Variants in LRP1B observed in about 807,000 individuals in gnomAD.
LRP1B encodes low-density lipoprotein receptor-related protein 1B.
LRP1B carries 217 observed loss-of-function variants against 556.6 expected under a neutral mutation model. The ratio of observed to expected loss-of-function variants is 0.39; its 90% CI spans 0.35 to 0.44. LRP1B has a LOEUF of 0.44. LRP1B is among the 20% of genes least tolerant of loss of function. The pLI is 1.00. For missense variants in LRP1B, 5,053 were observed against 5,620.8 expected, an observed-to-expected ratio of 0.90 and a Z score of 3.23; for synonymous variants, 2,047 against 1,865.8, an observed-to-expected ratio of 1.10 and a Z score of -2.50.
intron 7 of LRP1B, among the ~76,000 whole-genome samples, chr2:141,112,071 T>TACATAATAAATA (rs111423253): frequency 0.054 from 7,823 of 145,798 alleles, 266 homozygotes; most frequent in Non-Finnish European, 0.074. Context: ...AATAAATAAA[T>TACATAATAAATA]AATAAATAAA....
At chr2:141,213,984 T>C (rs1682677058) in intron 6 of LRP1B, among the ~76,000 whole-genome samples, 1 of 152,210 alleles carries the variant, frequency 6.6e-6, no homozygotes, top group South Asian at 2.1e-4. Context: ...GTAAATACTA[T>C]AAAAATAGTT....
chr2:140,638,668 A>G (rs562710180), intron 41 of LRP1B, among the ~76,000 whole-genome samples: 37 of 152,260 alleles, frequency 2.4e-4, no homozygotes, highest in African/African-American at 8.4e-4. Context: ...TATCTTCCCA[A>G]TGATGACTGG....
At chr2:140,632,428 C>G (rs115914329) in intron 41 of LRP1B, among the ~76,000 whole-genome samples, 6,668 of 151,950 alleles carry the variant, frequency 0.044, 179 homozygotes, top group Middle Eastern at 0.065. Context: ...TAATATGGCA[C>G]TATTTGAGAG....
intron 3 of LRP1B, among the ~76,000 whole-genome samples, chr2:141,327,848 C>T (rs902358123): frequency 1.5e-4 from 22 of 149,472 alleles, no homozygotes; most frequent in African/African-American, 5.0e-4. Context: ...GATTGAAAGA[C>T]AGATGGGTAG....
At chr2:141,919,735 C>T (rs983551297) in intron 1 of LRP1B, among the ~76,000 whole-genome samples, 10 of 151,954 alleles carry the variant, frequency 6.6e-5, no homozygotes, top group African/African-American at 2.4e-4. Flanking sequence ...AAAGAGGTGA[C>T]ACATCTTTGA....
chr2:140,762,604 G>C (rs1158820136), intron 35 of LRP1B, among the ~76,000 whole-genome samples: 1 of 151,288 alleles, frequency 6.6e-6, no homozygotes, highest in African/African-American at 2.5e-5. Flanking sequence ...GGAATTCATA[G>C]AACCAATTAG....
chr2:140,288,127 A>G (rs529960995), intron 84 of LRP1B, among the ~76,000 whole-genome samples: 93 of 137,984 alleles, frequency 6.7e-4, no homozygotes, highest in African/African-American at 2.5e-3. Flanking sequence ...TTGGACTCAG[A>G]ACATATACAT....
At chr2:140,539,220 C>T (rs1453015548) in intron 45 of LRP1B, among the ~76,000 whole-genome samples, 1 of 152,084 alleles carries the variant, frequency 6.6e-6, no homozygotes, top group Non-Finnish European at 1.5e-5. Flanking sequence ...GCCTTTCACC[C>T]CTTTAATGCT....
chr2:141,435,197 T>C (rs7568741), intron 3 of LRP1B, among the ~76,000 whole-genome samples: 67,181 of 151,680 alleles, frequency 0.44, 15,587 homozygotes, highest in East Asian at 0.69. Context: ...TGTTTATATA[T>C]TTTGTTTTTT....
intron 1 of LRP1B, among the ~76,000 whole-genome samples, chr2:141,910,881 G>C (rs1013807037): frequency 5.9e-5 from 9 of 151,964 alleles, no homozygotes; most frequent in African/African-American, 1.9e-4. Flanking sequence ...ATGTAGAAAA[G>C]TATTAATAAG....
In LRP1B at chr2:141,548,948, TA is replaced by T. The variant is rs533011531; in HGVS notation, c.206-68416del. Among the ~76,000 whole-genome samples, 70 of 149,978 alleles carry T rather than the reference TA, an allele frequency of 4.7e-4. No homozygotes were observed. The Middle Eastern group carries it at 0.01, about 22-fold the overall frequency. On this transcript the variant is annotated intron_variant, in intron 2 of 90. Transcript: ENST00000389484. ...TGGTGTCTTTTTAAACGTTGCTGGT[TA>T]AAAAAAAAATGACAGCATACAGTTG... is the stretch of plus-strand genomic sequence containing the variant.
At chr2:140,776,072 G>A (rs1352997221) in intron 33 of LRP1B, 26 bp downstream of exon 33, 1 of 1,514,346 alleles carries the variant, frequency 6.6e-7, no homozygotes, top group Admixed American at 2.3e-5. Flanking sequence ...TTCAAGACCT[G>A]GCACAAATTC....
Position 140,469,305 on chromosome 2 carries a change from T to C in LRP1B, c.9625+5833A>G, listed in dbSNP as rs78708441. Among the ~76,000 whole-genome samples, 1,430 of 152,268 alleles carry C rather than the reference T, an allele frequency of 9.4e-3. 31 individuals are homozygous for C. Among genetic ancestry groups the C allele is most frequent in the African/African-American group, 0.031 (1,279 of 41,548 alleles). On this transcript the variant is annotated intron_variant, in intron 60 of 90. Coordinates refer to ENST00000389484, the MANE Select transcript of LRP1B (RefSeq NM_018557.3). ...AGGAGCTCACTAGCCCCTTCTGCTGTGAAAGGACACAGCAACAAGGAACCA... is the reference window on the plus strand; with the variant it reads ...AGGAGCTCACTAGCCCCTTCTGCTGCGAAAGGACACAGCAACAAGGAACCA...
At chr2:140,234,428 TTAAA>T (rs775004297) in intron 90 of LRP1B, among the ~76,000 whole-genome samples, 39 of 151,344 alleles carry the variant, frequency 2.6e-4, no homozygotes, top group African/African-American at 8.2e-4. Context: ...TTTGTATATA[TTAAA>T]TAAACCACTA....
At chr2:141,924,865 G>A (rs1247011356) in intron 1 of LRP1B, among the ~76,000 whole-genome samples, 1 of 152,158 alleles carries the variant, frequency 6.6e-6, no homozygotes, top group Non-Finnish European at 1.5e-5. Flanking sequence ...GGTGGAAGTG[G>A]GGGAGGCAAA....
chr2:141,949,991 G>A (rs1392671922), intron 1 of LRP1B, among the ~76,000 whole-genome samples: 1 of 152,070 alleles, frequency 6.6e-6, no homozygotes, highest in Non-Finnish European at 1.5e-5. Flanking sequence ...AACAAACTTG[G>A]CTGATAAAAG....
chr2:140,477,714 T>C (rs150974384), intron 59 of LRP1B, among the ~76,000 whole-genome samples: 1 of 152,284 alleles, frequency 6.6e-6, no homozygotes, highest in East Asian at 1.9e-4. Flanking sequence ...ACCATCATCA[T>C]GAACCAAGAC....
intron 20 of LRP1B, among the ~76,000 whole-genome samples, chr2:140,936,745 T>TAC (rs1695238232): frequency 6.6e-6 from 1 of 152,196 alleles, no homozygotes; most frequent in Admixed American, 6.6e-5. Flanking sequence ...AGTATTATTG[T>TAC]ACCTTTTGTT....
intron 43 of LRP1B, among the ~76,000 whole-genome samples, chr2:140,585,891 A>G (rs919203890): frequency 1.3e-5 from 2 of 152,180 alleles, no homozygotes; most frequent in African/African-American, 4.8e-5. Flanking sequence ...CCTGCAGCTC[A>G]TGCCATATCA....
Sources: allele counts gnomAD v4.1 joint callset (sites outside exome capture counted in the v4.1 genomes callset), GRCh38; gene constraint gnomAD v4.1.1; transcripts MANE v1.5; gene names NCBI Gene and HGNC (gene_info 2026-07-23, HGNC 2026-07-21).